Variants in RBFOX3 observed in about 807,000 individuals in gnomAD.
RBFOX3 encodes the protein RNA binding fox-1 homolog 3.
In RBFOX3, 17 loss-of-function variants were observed where a neutral mutation model predicts 48.7. That is an observed-to-expected ratio of 0.35 (90% confidence interval 0.24 to 0.52). RBFOX3 has a LOEUF of 0.52. RBFOX3 is among the 20% of genes least tolerant of loss of function. The pLI, the probability that RBFOX3 is intolerant of heterozygous loss-of-function variation, is 0.94. For missense variants in RBFOX3, 382 were observed against 497.5 expected, an observed-to-expected ratio of 0.77 and a Z score of 2.21; for synonymous variants, 212 against 209.5, an observed-to-expected ratio of 1.01 and a Z score of -0.10.
intron 1 of RBFOX3, among the ~76,000 whole-genome samples, chr17:79,531,746 C>A (rs956253683): frequency 1.3e-5 from 2 of 152,174 alleles, no homozygotes; most frequent in African/African-American, 4.8e-5. Flanking sequence ...ATAAGCTCCC[C>A]GGGAATCTAG....
chr17:79,459,659 T>G (rs565517015), intron 2 of RBFOX3, among the ~76,000 whole-genome samples: 1 of 151,986 alleles, frequency 6.6e-6, no homozygotes, highest in South Asian at 2.1e-4. Context: ...ACTGGCCACC[T>G]TCTTAAAGGC....
At chr17:79,595,847 G>T (rs886467334) in intron 1 of RBFOX3, among the ~76,000 whole-genome samples, 4 of 152,188 alleles carry the variant, frequency 2.6e-5, no homozygotes, top group African/African-American at 2.4e-5. Flanking sequence ...GCATTCACAG[G>T]CTAAATATAA....
chr17:79,296,928 T>C (rs1600484995), intron 3 of RBFOX3, among the ~76,000 whole-genome samples: 1 of 102,780 alleles, frequency 9.7e-6, no homozygotes, highest in East Asian at 3.5e-4. Flanking sequence ...CTCTCTCTCC[T>C]CCCCCTCTCC....
chr17:79,177,523 A>G (rs1599825639), intron 4 of RBFOX3, among the ~76,000 whole-genome samples: 1 of 151,482 alleles, frequency 6.6e-6, no homozygotes, highest in Admixed American at 6.6e-5. Flanking sequence ...CCGTCAGCTT[A>G]CCCCCCTCTG....
At chr17:79,557,143 G>C (rs1359156521) in intron 1 of RBFOX3, among the ~76,000 whole-genome samples, 1 of 151,158 alleles carries the variant, frequency 6.6e-6, no homozygotes, top group African/African-American at 2.4e-5. Flanking sequence ...TACTCGGGAG[G>C]CTGAAGCAGG....
At chr17:79,438,712 G>A (rs1555732701) in intron 2 of RBFOX3, among the ~76,000 whole-genome samples, 1 of 152,226 alleles carries the variant, frequency 6.6e-6, no homozygotes, top group Non-Finnish European at 1.5e-5. Flanking sequence ...ACTAGGTCAG[G>A]CCTCATCAGT....
intron 2 of RBFOX3, among the ~76,000 whole-genome samples, chr17:79,436,228 C>T (rs530024492): frequency 1.3e-5 from 2 of 152,348 alleles, no homozygotes; most frequent in South Asian, 4.1e-4. Flanking sequence ...CCACAGGATG[C>T]CTGGCTTGGG....
At chr17:79,614,682 G>C (rs1376508981), upstream of RBFOX3, among the ~76,000 whole-genome samples, 1 of 152,082 alleles carries the variant, frequency 6.6e-6, no homozygotes, top group Non-Finnish European at 1.5e-5. Context: ...CCAAGAGCAG[G>C]GTGCTATTTT....
chr17:79,242,847 G>A lies in RBFOX3; in HGVS notation c.-73-7042C>T, dbSNP rs907591746. Reference sequence around the variant, plus strand: ...TTGCCTCCTCTCCCAGGAAGCCCGGGCAGGGCTCCACAGCAACCTGCCTGG... The same window carrying A: ...TTGCCTCCTCTCCCAGGAAGCCCGGACAGGGCTCCACAGCAACCTGCCTGG... On this transcript the variant is annotated intron_variant, in intron 3 of 14. Transcript: ENST00000693108. The surrounding 1 kb of genome is among the most constrained non-coding windows in gnomAD (Gnocchi z 5.8). Among the ~76,000 whole-genome samples, 1 of 152,184 alleles carries A rather than the reference G, an allele frequency of 6.6e-6. No individual in the cohort carries two copies. The highest frequency in any genetic ancestry group is 6.5e-5 in the Admixed American group (1 of 15,282).
chr17:79,519,449 C>T (rs957895688), intron 1 of RBFOX3, among the ~76,000 whole-genome samples: 17,644 of 152,242 alleles, frequency 0.12, 3,117 homozygotes, highest in African/African-American at 0.38. Flanking sequence ...AGGGTGGGTA[C>T]GGGGAACAGA....
chr17:79,530,369 C>T (rs2150074191), intron 1 of RBFOX3, among the ~76,000 whole-genome samples: 1 of 152,330 alleles, frequency 6.6e-6, no homozygotes, highest in South Asian at 2.1e-4. Context: ...ACGCATGGCA[C>T]CATCCACCAA....
intron 2 of RBFOX3, among the ~76,000 whole-genome samples, chr17:79,317,982 A>G (rs896043786): frequency 2.6e-5 from 4 of 152,090 alleles, no homozygotes; most frequent in Admixed American, 6.5e-5. Flanking sequence ...CCGCTTCATC[A>G]TTTCTAGAAA....
At chr17:79,386,449 A>G (rs1359210088) in intron 2 of RBFOX3, among the ~76,000 whole-genome samples, 1 of 152,236 alleles carries the variant, frequency 6.6e-6, no homozygotes, top group African/African-American at 2.4e-5. Flanking sequence ...TAAGAGCCAG[A>G]AAGTTACTAG....
chr17:79,176,994 C>T (rs983699155), intron 4 of RBFOX3, among the ~76,000 whole-genome samples: 5 of 152,172 alleles, frequency 3.3e-5, no homozygotes, highest in East Asian at 1.9e-4. Flanking sequence ...GCTGCTGTCC[C>T]GGTCTGGGTC....
At chr17:79,333,999 T>G (rs952558043) in intron 2 of RBFOX3, among the ~76,000 whole-genome samples, 2 of 152,166 alleles carry the variant, frequency 1.3e-5, no homozygotes, top group African/African-American at 4.8e-5. Context: ...CCTTGGGAAT[T>G]CCCACCCTGG....
In RBFOX3 at chr17:79,198,313, C is replaced by G. The variant is rs111650999; in HGVS notation, c.-34+37453G>C. ...ATCCCACATGAGGCGACCTTGCAGGCACAGGTGCGGACAGGAAGGAGAGCC... is the reference window on the plus strand; with the variant it reads ...ATCCCACATGAGGCGACCTTGCAGGGACAGGTGCGGACAGGAAGGAGAGCC... On this transcript the variant is annotated intron_variant, in intron 4 of 14. Transcript: ENST00000693108. This position sits in a 1 kb window ranked among gnomAD's most constrained non-coding sequence, Gnocchi z 8.2. Among the ~76,000 whole-genome samples, 2 of 152,216 alleles carry G rather than the reference C, an allele frequency of 1.3e-5. No individual in the cohort carries two copies. Among genetic ancestry groups the G allele is most frequent in the African/African-American group, 4.8e-5 (2 of 41,456 alleles).
chr17:79,599,586 C>G (rs2093655261), intron 1 of RBFOX3: 1 of 152,272 alleles, frequency 6.6e-6, no homozygotes, highest in African/African-American at 2.4e-5. Context: ...CATGGCGGAG[C>G]CGCAGCCCCC....
At chr17:79,622,977 T>G in the RBFOX3 span, among the ~76,000 whole-genome samples, 11 of 152,216 alleles carry the variant, frequency 7.2e-5, no homozygotes, top group African/African-American at 2.4e-4. Flanking sequence ...CTGTCCTCAG[T>G]GCCCTCCTGG....
intron 2 of RBFOX3, among the ~76,000 whole-genome samples, chr17:79,355,014 G>A (rs1320513988): frequency 2.6e-5 from 4 of 152,096 alleles, no homozygotes; most frequent in African/African-American, 7.2e-5. Flanking sequence ...CTAATAGTCC[G>A]CCCCTCTAAT....
Sources: gnomAD v4.1 joint callset for allele counts (sites outside exome capture counted in the v4.1 genomes callset) on GRCh38, gnomAD v4.1.1 for gene constraint, Gnocchi (gnomAD v3.1) non-coding constraint, MANE v1.5 for transcripts, NCBI Gene and HGNC (gene_info 2026-07-23, HGNC 2026-07-21) for gene names.